Variants in CAND1 observed in about 807,000 individuals in gnomAD.
CAND1 encodes the protein cullin associated and neddylation dissociated 1, also known as cullin-associated NEDD8-dissociated protein 1.
CAND1 carries 7 observed loss-of-function variants against 108.5 expected under a neutral mutation model. The ratio of observed to expected loss-of-function variants is 0.06; its 90% CI spans 0.04 to 0.12. The LOEUF (loss-of-function observed/expected upper bound fraction) is 0.12. Ranked by LOEUF, CAND1 falls within the 10% of genes least tolerant of loss-of-function variation. CAND1 has a pLI of 1.00. For synonymous variants in CAND1, 534 were observed against 512.0 expected, an observed-to-expected ratio of 1.04 and a Z score of -0.58; for missense variants, 941 against 1,448.7, an observed-to-expected ratio of 0.65 and a Z score of 5.69.
rs2044498739 is a variant in CAND1 at position 67,269,691 on chromosome 12, C to G, written c.-27C>G. The stretch of plus-strand genomic sequence containing the variant: ...GCAGCGGGCAGCAGCTCCAGCAGCG[C>G]CAGCAGGCGGGATCGAGGCCGTCAA... On this transcript the variant is annotated 5_prime_UTR_variant, in exon 1 of 15. Coordinates refer to ENST00000545606, the MANE Select transcript of CAND1 (RefSeq NM_018448.5). 3.8e-6 allele frequency: 6 copies of G among 1,590,664 alleles called. No homozygotes were observed. The highest frequency in any genetic ancestry group is 5.1e-6 in the Non-Finnish European group (6 of 1,169,756).
intron 1 of CAND1, among the ~76,000 whole-genome samples, chr12:67,274,222 C>T (rs1305247683): frequency 6.6e-6 from 1 of 152,176 alleles, no homozygotes; most frequent in Non-Finnish European, 1.5e-5. Context: ...AGATCTGGTG[C>T]TTACTTTCCC....
At chr12:67,292,290 G>A (rs529521546) in intron 2 of CAND1, among the ~76,000 whole-genome samples, 1 of 152,250 alleles carries the variant, frequency 6.6e-6, no homozygotes, top group African/African-American at 2.4e-5. Flanking sequence ...GTGAACAACA[G>A]TGAGACCCTG....
intron 2 of CAND1, among the ~76,000 whole-genome samples, chr12:67,290,851 A>G (rs544772549): frequency 3.3e-5 from 5 of 152,188 alleles, no homozygotes; most frequent in Non-Finnish European, 7.4e-5. Flanking sequence ...GCGAGCCAGC[A>G]TTACTGCCTG....
chr12:67,283,787 A>G (rs1423880151), intron 2 of CAND1, among the ~76,000 whole-genome samples: 1 of 152,190 alleles, frequency 6.6e-6, no homozygotes, highest in Non-Finnish European at 1.5e-5. Flanking sequence ...GTTGGGAGGT[A>G]CGTACTTCTT....
chr12:67,291,060 C>T (rs2044717639), intron 2 of CAND1, among the ~76,000 whole-genome samples: 1 of 152,106 alleles, frequency 6.6e-6, no homozygotes, highest in Non-Finnish European at 1.5e-5. Context: ...TGAAATCGGT[C>T]CCTGCTGCCA....
chr12:67,281,695 C>G (rs1455385881), intron 1 of CAND1, among the ~76,000 whole-genome samples: 2 of 152,136 alleles, frequency 1.3e-5, no homozygotes, highest in African/African-American at 2.4e-5. Context: ...GTCTCACCGT[C>G]TCTCTGGATA....
chr12:67,290,518 A>C (rs2044712954), intron 2 of CAND1, among the ~76,000 whole-genome samples: 1 of 152,150 alleles, frequency 6.6e-6, no homozygotes, highest in Non-Finnish European at 1.5e-5. Context: ...TCAAAAAAAA[A>C]AAACTTAATA....
intron 1 of CAND1, among the ~76,000 whole-genome samples, chr12:67,279,169 A>G (rs974501239): frequency 1.3e-5 from 1 of 75,334 alleles, no homozygotes; most frequent in South Asian, 3.4e-4. Context: ...GTCCTTCCCC[A>G]CCACCAAAAA....
At chr12:67,294,993 T>C in intron 3 of CAND1, 40 bp from the exon 4 acceptor site, 1 of 1,594,768 alleles carries the variant, frequency 6.3e-7, no homozygotes, top group Non-Finnish European at 8.5e-7. Context: ...GAATTCAACA[T>C]GCTTGCCTTG....
intron 14 of CAND1, 112 bp from the exon 15 acceptor site, chr12:67,312,494 C>A: frequency 1.7e-6 from 1 of 576,298 alleles, no homozygotes; most frequent in East Asian, 2.9e-5. Flanking sequence ...ATGTAATATG[C>A]CTTATGGACC....
intron 2 of CAND1, among the ~76,000 whole-genome samples, chr12:67,289,881 C>G (rs768449068): frequency 7.5e-4 from 114 of 152,150 alleles, no homozygotes; most frequent in Non-Finnish European, 1.3e-3. Flanking sequence ...CCTACTACTT[C>G]TTTGGTCAAG....
At chr12:67,285,790 T>C (rs2044664841) in intron 2 of CAND1, among the ~76,000 whole-genome samples, 1 of 152,230 alleles carries the variant, frequency 6.6e-6, no homozygotes, top group Non-Finnish European at 1.5e-5. Context: ...ACGTAGTATG[T>C]GTTCCTGTGT....
At chr12:67,278,070 A>G (rs1019877050) in intron 1 of CAND1, among the ~76,000 whole-genome samples, 4 of 152,180 alleles carry the variant, frequency 2.6e-5, no homozygotes, top group Non-Finnish European at 5.9e-5. Flanking sequence ...ATGGTCTACA[A>G]ATCCTTTAAA....
In CAND1 at chr12:67,305,882, T is replaced by C. The variant is rs1233199937; in HGVS notation, c.2214T>C (p.Leu738=). 6.2e-7 allele frequency: 1 copy of C among 1,614,204 alleles called. No individual in the cohort carries two copies. Among genetic ancestry groups the C allele is most frequent in the African/African-American group, 1.3e-5 (1 of 75,060 alleles). The change falls in exon 10 of 15, where the codon CTT becomes CTC. Residue 738 remains leucine, a synonymous_variant. Transcript: ENST00000545606. The surrounding 1 kb of genome is among the most constrained non-coding windows in gnomAD (Gnocchi z 4.4). ...SKISGSILNE[L]IGLVRSPLLQ... ...TAAGTGGATCCATTCTCAATGAACT[T>C]ATTGGACTTGTGAGATCACCCTTAT...
At chr12:67,282,730 C>G (rs763307416) in intron 2 of CAND1, among the ~76,000 whole-genome samples, 7 of 152,162 alleles carry the variant, frequency 4.6e-5, no homozygotes, top group Non-Finnish European at 7.4e-5. Flanking sequence ...TAAAGAATAG[C>G]AGCAGTTAAA....
intron 1 of CAND1, among the ~76,000 whole-genome samples, chr12:67,280,002 A>G (rs970469579): frequency 6.6e-6 from 1 of 152,124 alleles, no homozygotes; most frequent in Non-Finnish European, 1.5e-5. Context: ...GTGTTATGCA[A>G]TTTTTCCACT....
At position 67,269,655 on chromosome 12, in the gene CAND1, C is replaced by CGGCGGCAGCGGCAGCG. The variant is rs1354981850; in HGVS notation, c.-59_-44dup. The CGGCGGCAGCGGCAGCG allele has an allele frequency of 6.9e-7, 1 of 1,440,828 alleles. No homozygotes were observed. Among genetic ancestry groups the CGGCGGCAGCGGCAGCG allele is most frequent in the Non-Finnish European group, 9.6e-7 (1 of 1,043,676 alleles). 89.3% of individuals were successfully genotyped at this position (1,440,828 alleles called of 1,614,324 possible). On this transcript the variant is annotated 5_prime_UTR_variant, in exon 1 of 15. Transcript: ENST00000545606. The stretch of plus-strand genomic sequence containing the variant: ...GGAGGAGCTCCAGTGGCGGCGGCGG[C>CGGCGGCAGCGGCAGCG]GGCGGCAGCGGCAGCGGGCAGCAGC...
At position 67,269,698 on chromosome 12, in the gene CAND1, G is replaced by T. The variant is rs1283030454; in HGVS notation, c.-20G>T. 6.3e-7 allele frequency: 1 copy of T among 1,595,560 alleles called. No homozygotes were observed. The highest frequency in any genetic ancestry group is 1.1e-5 in the South Asian group (1 of 88,686). The stretch of plus-strand genomic sequence containing the variant: ...GCAGCAGCTCCAGCAGCGCCAGCAG[G>T]CGGGATCGAGGCCGTCAACATGGCG... On this transcript the variant is annotated 5_prime_UTR_variant, in exon 1 of 15. Coordinates refer to ENST00000545606, the MANE Select transcript of CAND1 (RefSeq NM_018448.5).
chr12:67,296,363 T>G (rs1191331023), intron 4 of CAND1, among the ~76,000 whole-genome samples: 1 of 152,122 alleles, frequency 6.6e-6, no homozygotes, highest in African/African-American at 2.4e-5. Context: ...GAAGGTCAGT[T>G]TTTTAGTGTT....
Sources: allele counts gnomAD v4.1 joint callset (sites outside exome capture counted in the v4.1 genomes callset), GRCh38; gene constraint gnomAD v4.1.1; non-coding constraint Gnocchi (gnomAD v3.1); transcripts MANE v1.5; gene names NCBI Gene and HGNC (gene_info 2026-07-23, HGNC 2026-07-21).